The following CENPP variants were observed in gnomAD, a reference collection of about 807,000 sequenced individuals.
CENPP encodes centromere protein P.
In CENPP, 24 loss-of-function variants were observed where a neutral mutation model predicts 35.6. The observed-to-expected ratio is 0.67, with a 90% CI of 0.49 to 0.95. The LOEUF is 0.95. CENPP is among the 40% of genes least tolerant of loss of function. The pLI is 0.00. For synonymous variants in CENPP, 120 were observed against 125.5 expected (o/e 0.96, Z 0.29); for missense variants, 332 against 345.3 (o/e 0.96, Z 0.31).
intron 5 of CENPP, among the ~76,000 whole-genome samples, chr9:92,578,230 T>C (rs1331462028): frequency 6.6e-6 from 1 of 152,074 alleles, no homozygotes; most frequent in Non-Finnish European, 1.5e-5. Flanking sequence ...TCCAAGTCTT[T>C]GCTATTGTGA....
At chr9:92,345,841 T>C (rs1048353872) in intron 4 of CENPP, 54 bp downstream of exon 4, 40 of 1,074,686 alleles carry the variant, frequency 3.7e-5, no homozygotes, top group Non-Finnish European at 4.2e-6. Flanking sequence ...ATTTACACTT[T>C]ACAGTTTTAA....
In CENPP at chr9:92,325,964, T is replaced by C. The variant is rs1390820260; in HGVS notation, c.-35T>C. 1.3e-6 allele frequency: 2 copies of C among 1,522,838 alleles called. No homozygotes were observed. The highest frequency in any genetic ancestry group is 1.8e-6 in the Non-Finnish European group (2 of 1,122,954). 94.3% of individuals were successfully genotyped at this position (1,522,838 alleles called of 1,614,324 possible). ...GAAGCGCGCAGGTCGGAGTGACAGC[T>C]GCGCTGCCGGCCCGGCTGCGGTCAG... On this transcript the variant is annotated 5_prime_UTR_variant, in exon 1 of 8. Coordinates refer to ENST00000375587, the MANE Select transcript of CENPP (RefSeq NM_001012267.3).
rs1564026327 is a variant in CENPP, at chr9:92,619,396, T to C, written c.*6247T>C. 1.9e-6 allele frequency: 2 copies of C among 1,054,160 alleles called. No individual in the cohort carries two copies. The highest frequency in any genetic ancestry group is 2.7e-5 in the South Asian group (2 of 73,836). 65.3% of individuals were successfully genotyped at this position (1,054,160 alleles called of 1,614,324 possible). A position where few individuals can be genotyped will look rare whatever the true frequency, so the allele number is the denominator to read the frequency against. The stretch of plus-strand genomic sequence containing the variant: ...CACTCCGCCATGGAGTCTCTAAATA[T>C]GGGGAAACCAACTATCCTATTAACA... On this transcript the variant is annotated 3_prime_UTR_variant, in exon 8 of 8. Transcript: ENST00000375587.
intron 5 of CENPP, among the ~76,000 whole-genome samples, chr9:92,565,120 A>G (rs888747342): frequency 8.6e-5 from 13 of 151,906 alleles, no homozygotes; most frequent in Admixed American, 7.2e-4. Context: ...CTCAACAACA[A>G]TTGCATTGGC....
intron 5 of CENPP, among the ~76,000 whole-genome samples, chr9:92,556,041 C>A (rs1205490722): frequency 2.0e-5 from 3 of 152,084 alleles, no homozygotes; most frequent in African/African-American, 7.2e-5. Flanking sequence ...ATGAACTTTC[C>A]TCTTAGCACC....
intron 5 of CENPP, among the ~76,000 whole-genome samples, chr9:92,501,493 C>G (rs1249879710): frequency 6.6e-6 from 1 of 152,208 alleles, no homozygotes; most frequent in African/African-American, 2.4e-5. Flanking sequence ...TCCCCTTCCC[C>G]TACATTTTCA....
chr9:92,554,091 G>T (rs1039265862), intron 5 of CENPP, among the ~76,000 whole-genome samples: 2 of 152,116 alleles, frequency 1.3e-5, no homozygotes, highest in Non-Finnish European at 2.9e-5. Context: ...CTTGTGTGCC[G>T]ATTTTGTTGA....
intron 4 of CENPP, among the ~76,000 whole-genome samples, chr9:92,367,820 A>G (rs1461796323): frequency 6.6e-6 from 1 of 152,076 alleles, no homozygotes; most frequent in South Asian, 2.1e-4. Flanking sequence ...GTTTCACCAC[A>G]TTGGACAGTC....
chr9:92,605,655 G>C (rs1196517064), intron 5 of CENPP, among the ~76,000 whole-genome samples: 1 of 152,044 alleles, frequency 6.6e-6, no homozygotes, highest in Non-Finnish European at 1.5e-5. Flanking sequence ...ACTCAAAATG[G>C]ATCAAAGACC....
At chr9:92,464,239 A>G (rs1161994254) in intron 5 of CENPP, among the ~76,000 whole-genome samples, 1 of 152,214 alleles carries the variant, frequency 6.6e-6, no homozygotes, top group Non-Finnish European at 1.5e-5. Context: ...CTTGGAAGTA[A>G]TGGGTTAGAA....
At chr9:92,526,138 C>T (rs1160813018) in intron 5 of CENPP, among the ~76,000 whole-genome samples, 1 of 151,996 alleles carries the variant, frequency 6.6e-6, no homozygotes, top group Non-Finnish European at 1.5e-5. Context: ...GAAGACCTTC[C>T]AGTGGGACAA....
At chr9:92,329,516 TTTTTTCTTTTTC>T (rs561946463) in intron 1 of CENPP, among the ~76,000 whole-genome samples, 1 of 152,092 alleles carries the variant, frequency 6.6e-6, no homozygotes, top group African/African-American at 2.4e-5. Context: ...GTCTCTGTTC[TTTTTTCTTTTTC>T]TTTTTCTTTT....
chr9:92,393,188 C>A (rs201178577), intron 5 of CENPP: 1 of 1,613,704 alleles, frequency 6.2e-7, no homozygotes, highest in Non-Finnish European at 8.5e-7. Context: ...TCAATGTCAA[C>A]TTCTTCACAG....
At chr9:92,531,546 A>G (rs1217675065) in intron 5 of CENPP, among the ~76,000 whole-genome samples, 1 of 152,070 alleles carries the variant, frequency 6.6e-6, no homozygotes, top group Non-Finnish European at 1.5e-5. Context: ...TTCTTTTTTT[A>G]TGGGGAGATG....
intron 5 of CENPP, among the ~76,000 whole-genome samples, chr9:92,608,607 T>G (rs1851147562): frequency 6.6e-6 from 1 of 152,186 alleles, no homozygotes; most frequent in Non-Finnish European, 1.5e-5. Context: ...CACCTGTACA[T>G]GTGTGCCAAT....
intron 5 of CENPP, among the ~76,000 whole-genome samples, chr9:92,438,359 A>G (rs928403405): frequency 1.3e-5 from 2 of 152,128 alleles, no homozygotes; most frequent in African/African-American, 4.8e-5. Context: ...TTATTTCTCC[A>G]TTGTCAAAAA....
chr9:92,442,470 A>G (rs532483372), intron 5 of CENPP, among the ~76,000 whole-genome samples: 4 of 152,066 alleles, frequency 2.6e-5, no homozygotes, highest in African/African-American at 9.6e-5. Context: ...TGTATCAGGA[A>G]CTCCAAATTG....
At chr9:92,522,923 G>A (rs1848168132) in intron 5 of CENPP, 1 of 1,518,094 alleles carries the variant, frequency 6.6e-7, no homozygotes, top group East Asian at 2.3e-5. Flanking sequence ...CAAAGTTAGT[G>A]GTGACTAAAT....
At chr9:92,547,451 CA>C (rs1849493763) in intron 5 of CENPP, among the ~76,000 whole-genome samples, 1 of 152,128 alleles carries the variant, frequency 6.6e-6, no homozygotes, top group Non-Finnish European at 1.5e-5. Flanking sequence ...CATAGCCATA[CA>C]AGGGAATATT....
Sources: allele counts gnomAD v4.1 joint callset (sites outside exome capture counted in the v4.1 genomes callset), GRCh38; gene constraint gnomAD v4.1.1; transcripts MANE v1.5; gene names NCBI Gene and HGNC (gene_info 2026-07-23, HGNC 2026-07-21).